AEBP2: variants seen among roughly 807,000 people sequenced by gnomAD.
The protein encoded by AEBP2 is zinc finger protein AEBP2.
In AEBP2, 10 loss-of-function variants were observed where a neutral mutation model predicts 50.8. The ratio of observed to expected loss-of-function variants is 0.20; its 90% CI spans 0.12 to 0.33. AEBP2 has a LOEUF of 0.33. AEBP2 is among the 10% of genes least tolerant of loss of function. AEBP2 has a pLI of 1.00. For synonymous variants in AEBP2, 296 were observed against 261.3 expected (o/e 1.13, Z -1.28); for missense variants, 570 against 688.0 (o/e 0.83, Z 1.92).
At chr12:19,441,391 T>A (rs964372578) in intron 1 of AEBP2, among the ~76,000 whole-genome samples, 3 of 152,242 alleles carry the variant, frequency 2.0e-5, no homozygotes, top group Non-Finnish European at 4.4e-5. Context: ...ACATGCATAT[T>A]ATGCCACTTC....
At chr12:19,460,118 A>G (rs941362193) in intron 1 of AEBP2, among the ~76,000 whole-genome samples, 1 of 152,068 alleles carries the variant, frequency 6.6e-6, no homozygotes, top group African/African-American at 2.4e-5. Context: ...CTGAGGTGGG[A>G]GGATCACTTG....
intron 4 of AEBP2, among the ~76,000 whole-genome samples, chr12:19,495,259 T>G (rs565437869): frequency 1.3e-5 from 2 of 152,184 alleles, no homozygotes; most frequent in Non-Finnish European, 2.9e-5. Context: ...GGTGAATGAG[T>G]GAATAAAGCT....
intron 2 of AEBP2, among the ~76,000 whole-genome samples, chr12:19,464,669 C>G (rs1948440447): frequency 6.6e-6 from 1 of 151,782 alleles, no homozygotes; most frequent in Non-Finnish European, 1.5e-5. Flanking sequence ...TCACTGCAAC[C>G]TCTGCCTCCC....
chr12:19,439,707 C>T lies in AEBP2; in HGVS notation c.8C>T (p.Ala3Val), dbSNP rs1947907781. 2 of 1,515,568 alleles carry T rather than the reference C, an allele frequency of 1.3e-6. No homozygotes were observed. The highest frequency in any genetic ancestry group is 2.0e-5 in the Admixed American group (1 of 49,836). The allele number at this position is 1,515,568 out of a possible 1,614,324, so 93.9% of individuals were successfully genotyped here. A position where few individuals can be genotyped will look rare whatever the true frequency, so the allele number is the denominator to read the frequency against. The stretch of plus-strand genomic sequence containing the variant: ...GGAGGAGCAGGCGCCGCCATGGCCG[C>T]CGCTATCACCGACATGGCCGACCTG... Reference protein sequence around the residue: MAAAITDMADLEE... With the variant: MAVAITDMADLEE... Residue 3 changes from alanine to valine, a missense_variant, in exon 1 of 8, where the codon GCC becomes GTC. Around this residue, in one of 2 missense-constraint regions of AEBP2, gnomAD observed 386 missense variants for 336.8 expected, o/e 1.15. Transcript: ENST00000266508.
chr12:19,423,102 T>G (rs2153364586), intron 1 of AEBP2, among the ~76,000 whole-genome samples: 1 of 121,070 alleles, frequency 8.3e-6, no homozygotes, highest in Admixed American at 8.4e-5. Context: ...AAAGAACATC[T>G]GACCAGAGTA....
chr12:19,513,465 A>G (rs1267756315), intron 6 of AEBP2, among the ~76,000 whole-genome samples: 1 of 152,180 alleles, frequency 6.6e-6, no homozygotes, highest in Non-Finnish European at 1.5e-5. Context: ...TAATTCACGT[A>G]TGTGGCCAAT....
At chr12:19,472,895 C>T (rs1258766448) in intron 2 of AEBP2, among the ~76,000 whole-genome samples, 1 of 151,470 alleles carries the variant, frequency 6.6e-6, no homozygotes, top group Admixed American at 6.6e-5. Flanking sequence ...TGTATTTTTC[C>T]TATTTAAAAT....
chr12:19,460,542 T>C (rs7972895), intron 1 of AEBP2, among the ~76,000 whole-genome samples: 113,359 of 151,962 alleles, frequency 0.75, 42,620 homozygotes, highest in African/African-American at 0.84. Flanking sequence ...TTAGTAGAGA[T>C]GTGGTTTCAC....
At chr12:19,482,504 A>G (rs1020287825) in intron 3 of AEBP2, among the ~76,000 whole-genome samples, 3 of 152,178 alleles carry the variant, frequency 2.0e-5, no homozygotes, top group African/African-American at 7.2e-5. Flanking sequence ...TTATTCTGTC[A>G]TGAGTTGCTC....
chr12:19,440,296 C>A lies in AEBP2; in HGVS notation c.597C>A (p.Thr199=). ...CTGGGGGAGGCGGAAGCAGCGCGAC[C>A]TCCGGGGGCCGGCGGGGCAGCTTGG... ...YGTGGGGSSA[T]SGGRRGSLEM... The change falls in exon 1 of 8, where the codon ACC becomes ACA. Residue 199 remains threonine, a synonymous_variant. Transcript: ENST00000266508. 1 of 1,464,830 alleles carries A rather than the reference C, an allele frequency of 6.8e-7. No individual in the cohort carries two copies. The highest frequency in any genetic ancestry group is 9.0e-7 in the Non-Finnish European group (1 of 1,116,644). 90.7% of individuals were successfully genotyped at this position (1,464,830 alleles called of 1,614,324 possible).
At chr12:19,482,529 G>C (rs12425367) in intron 3 of AEBP2, among the ~76,000 whole-genome samples, 16,587 of 152,128 alleles carry the variant, frequency 0.11, 1,440 homozygotes, top group African/African-American at 0.24. Context: ...GGCCTGAATT[G>C]GTTGGCCTCC....
chr12:19,517,962 A>C, intron 7 of AEBP2, 125 bp from the exon 8 acceptor site: 1 of 908,292 alleles, frequency 1.1e-6, no homozygotes, highest in Non-Finnish European at 1.6e-6. Flanking sequence ...TTTTGGAAAT[A>C]CATTTTTATT....
intron 5 of AEBP2, among the ~76,000 whole-genome samples, chr12:19,502,139 C>T (rs1206193297): frequency 6.6e-6 from 1 of 151,626 alleles, no homozygotes; most frequent in Non-Finnish European, 1.5e-5. Context: ...TTTGTACCTA[C>T]TTTTTTTTCT....
At chr12:19,506,835 G>T (rs1055070947) in intron 5 of AEBP2, among the ~76,000 whole-genome samples, 14 of 152,164 alleles carry the variant, frequency 9.2e-5, no homozygotes, top group Admixed American at 9.2e-4. Flanking sequence ...CTATGGACAA[G>T]AATTATGGAT....
At chr12:19,418,177 C>A (rs992604450) in intron 1 of AEBP2, among the ~76,000 whole-genome samples, 4 of 152,124 alleles carry the variant, frequency 2.6e-5, no homozygotes, top group African/African-American at 9.7e-5. Flanking sequence ...TTGGTCTCTA[C>A]AACCCCTTAT....
At chr12:19,404,540 T>C (rs1298671129) in intron 1 of AEBP2, among the ~76,000 whole-genome samples, 1 of 152,192 alleles carries the variant, frequency 6.6e-6, no homozygotes, top group Non-Finnish European at 1.5e-5. Flanking sequence ...ATGTTCACAG[T>C]GTGAATCTCT....
In AEBP2 at chr12:19,482,120, C is replaced by A. The variant is rs557600053; in HGVS notation, c.987+8765C>A. Among the ~76,000 whole-genome samples the A allele has an allele frequency of 4.6e-5, 7 of 152,266 alleles. No individual in the cohort carries two copies. In the East Asian group the frequency reaches 1.4e-3, roughly 29 times the overall value. On this transcript the variant is annotated intron_variant, in intron 3 of 7. Transcript: ENST00000266508. ...GGATCTCAGGGCCTGCTGTCTCCCA[C>A]TTCCTCTAGGGATGGGGCTTCCTGA...
chr12:19,432,141 C>G (rs1261601428), intron 1 of AEBP2, among the ~76,000 whole-genome samples: 2 of 152,046 alleles, frequency 1.3e-5, no homozygotes, highest in Admixed American at 6.6e-5. Context: ...ATTAGAGAAG[C>G]CCTACAAGAA....
chr12:19,512,010 A>T (rs1238346982), intron 5 of AEBP2, among the ~76,000 whole-genome samples: 3 of 152,004 alleles, frequency 2.0e-5, no homozygotes, highest in African/African-American at 7.2e-5. Context: ...ATGAACACTT[A>T]AGTTCTTGAT....
Sources: gnomAD v4.1 joint callset for allele counts (sites outside exome capture counted in the v4.1 genomes callset) on GRCh38, gnomAD v4.1.1 for gene constraint, gnomAD v4.1.1 regional missense constraint, MANE v1.5 for transcripts, NCBI Gene and HGNC (gene_info 2026-07-23, HGNC 2026-07-21) for gene names.